Variants in PRSS36 observed in about 807,000 individuals in gnomAD.
PRSS36 encodes serine protease 36.
PRSS36 carries 90 observed loss-of-function variants against 94.3 expected under a neutral mutation model. The ratio of observed to expected loss-of-function variants is 0.95; its 90% CI spans 0.80 to 1.14. The LOEUF (loss-of-function observed/expected upper bound fraction) is 1.14, where lower values mean the gene tolerates loss of function less well. PRSS36 is among the 50% of genes most tolerant of loss of function. PRSS36 has a pLI of 0.00. For synonymous variants in PRSS36, 500 were observed against 489.6 expected, an observed-to-expected ratio of 1.02 and a Z score of -0.28; for missense variants, 1,158 against 1,135.0, an observed-to-expected ratio of 1.02 and a Z score of -0.29.
At chr16:31,146,879 A>G (rs2057806049) in intron 5 of PRSS36, among the ~76,000 whole-genome samples, 1 of 152,144 alleles carries the variant, frequency 6.6e-6, no homozygotes, top group Non-Finnish European at 1.5e-5. Flanking sequence ...TACTTGGGAG[A>G]TTGAGGCAGT....
At chr16:31,143,241 G>GCC in intron 8 of PRSS36, 101 bp downstream of exon 8, 21 of 1,478,276 alleles carry the variant, frequency 1.4e-5, no homozygotes, top group East Asian at 2.3e-5. Flanking sequence ...ATGGGACCCC[G>GCC]CCCCCCCCAC....
At chr16:31,142,018 G>A in intron 10 of PRSS36, 58 bp from the exon 11 acceptor site, 1 of 1,478,460 alleles carries the variant, frequency 6.8e-7, no homozygotes, top group East Asian at 2.3e-5. Context: ...GAATATCAGA[G>A]CTCCTGGGGC....
chr16:31,143,204 T>C (rs2057741484), intron 8 of PRSS36, 138 bp downstream of exon 8: 3 of 1,414,238 alleles, frequency 2.1e-6, no homozygotes, highest in Non-Finnish European at 2.9e-6. Context: ...AGGACCCCTC[T>C]TTTTGTGCTG....
Position 31,143,029 on chromosome 16 carries a change from C to A in PRSS36, c.1101-36G>T, listed in dbSNP as rs74015070. 2.9e-3 allele frequency: 4,030 copies of A among 1,375,288 alleles called. 98 individuals carry two copies. In the African/African-American group the frequency reaches 0.055, roughly 19 times the overall value. The allele number at this position is 1,375,288 out of a possible 1,614,324, so 85.2% of individuals were successfully genotyped here. A position where few individuals can be genotyped will look rare whatever the true frequency, so the allele number is the denominator to read the frequency against. On this transcript the variant is annotated intron_variant, in intron 8 of 14. Transcript: ENST00000268281. ...GGGGCCGAGGGACGTGGGCCGGATC[C>A]CGCACACGTGGCTGGAAACCTCACA...
chr16:31,149,878 C>A, intron 1 of PRSS36, 121 bp downstream of exon 1: 1 of 1,522,980 alleles, frequency 6.6e-7, no homozygotes, highest in South Asian at 1.1e-5. Context: ...TCGCCTTCTG[C>A]TGCCTCACTT....
chr16:31,149,111 G>A lies in PRSS36; in HGVS notation c.234C>T (p.Ala78=), dbSNP rs1485134936. The change falls in exon 4 of 15, where the codon GCC becomes GCT. Residue 78 remains alanine, a synonymous_variant. Transcript: ENST00000268281. ...GAGCAGCGGAGAGGACCCAGGAGGG[G>A]GCGATGAGGGAGCCCCCGCAGATGT... The part of the protein sequence containing the change: ...GGHICGGSLI[A]PSWVLSAAHC... The A allele has an allele frequency of 6.3e-7, 1 of 1,589,982 alleles. No homozygotes were observed. Among genetic ancestry groups the A allele is most frequent in the Non-Finnish European group, 8.5e-7 (1 of 1,170,042 alleles).
chr16:31,143,741 G>A lies in PRSS36; in HGVS notation c.817C>T (p.Pro273Ser), dbSNP rs757846927. ...GTAGCCACAGCAGTGAAAACTCCAG[G>A]GCGGTTTCTCCGTCCACAGCCAAAG... Reference protein sequence around the residue: ...FGFGCGRRNRPGVFTAVATYE... With the variant: ...FGFGCGRRNRSGVFTAVATYE... Residue 273 changes from proline to serine, a missense_variant, in exon 7 of 15, where the codon CCT (proline) becomes TCT (serine). Coordinates refer to ENST00000268281, the MANE Select transcript of PRSS36 (RefSeq NM_173502.5). 6.2e-7 allele frequency: 1 copy of A among 1,614,114 alleles called. No homozygotes were observed. The highest frequency in any genetic ancestry group is 1.7e-5 in the Admixed American group (1 of 60,018).
chr16:31,149,751 C>T lies in PRSS36; in HGVS notation c.38-20G>A. On this transcript the variant is annotated intron_variant, in intron 1 of 14. Transcript: ENST00000268281. ...TGATGACTGGAAAGACAGAGGTAGG[C>T]AGGAAGAGGCTGGCGACTCGCACTC... 6.2e-7 allele frequency: 1 copy of T among 1,614,170 alleles called. No homozygotes were observed. The highest frequency in any genetic ancestry group is 1.1e-5 in the South Asian group (1 of 91,086).
chr16:31,143,238 C>G lies in PRSS36; in HGVS notation c.1100+104G>C, dbSNP rs1218552808. On this transcript the variant is annotated intron_variant, in intron 8 of 14. Transcript: ENST00000268281. Reference sequence around the variant, plus strand: ...TGGATCCTACACCTCCGAATGGGACCCCGCCCCCCCCACACCCCCTGGGGA... The same window carrying G: ...TGGATCCTACACCTCCGAATGGGACGCCGCCCCCCCCACACCCCCTGGGGA... 4.7e-6 allele frequency: 7 copies of G among 1,495,088 alleles called. No homozygotes were observed. The East Asian group carries it at 9.2e-5, about 20-fold the overall frequency. The allele number at this position is 1,495,088 out of a possible 1,614,324, so 92.6% of individuals were successfully genotyped here. A position where few individuals can be genotyped will look rare whatever the true frequency, so the allele number is the denominator to read the frequency against.
intron 2 of PRSS36, 63 bp from the exon 3 acceptor site, chr16:31,149,561 C>T (rs2057863857): frequency 6.2e-7 from 1 of 1,609,544 alleles, no homozygotes; most frequent in Non-Finnish European, 8.5e-7. Flanking sequence ...CCGCCCAGCC[C>T]CACTTCCTGC....
rs1339115995 is a variant in PRSS36, at chr16:31,143,807, C to T, written c.751G>A (p.Glu251Lys). The change falls in exon 7 of 15, where the codon GAA (glutamate) becomes AAA (lysine). Residue 251 changes from glutamate to lysine, a missense_variant. By Grantham distance (56) the Glu-to-Lys change is moderately conservative. Transcript: ENST00000268281. ...CCTGCCTGGAACCAGCGGCCGCCTT[C>T]CTCACAGACCAGGGGCCCCCCAGAG... The part of the protein sequence containing the change: ...GDSGGPLVCE[E>K]GGRWFQAGIT... 2 of 1,613,846 alleles carry T rather than the reference C, an allele frequency of 1.2e-6. No homozygotes were observed. The highest frequency in any genetic ancestry group is 1.6e-4 in the Middle Eastern group (1 of 6,062).
At chr16:31,142,023 T>C (rs1182642198) in intron 10 of PRSS36, 63 bp from the exon 11 acceptor site, 4 of 1,470,076 alleles carry the variant, frequency 2.7e-6, no homozygotes, top group Non-Finnish European at 3.8e-6. Flanking sequence ...TCAGAGCTCC[T>C]GGGGCTTTCC....
intron 4 of PRSS36, 124 bp downstream of exon 4, chr16:31,148,949 C>A: frequency 1.7e-6 from 2 of 1,193,892 alleles, no homozygotes; most frequent in East Asian, 2.6e-5. Flanking sequence ...TAGCACCTCG[C>A]TTTGGGGACA....
At position 31,143,729 on chromosome 16, in the gene PRSS36, T is replaced by C; in HGVS notation, c.829A>G (p.Thr277Ala). 1 of 1,614,116 alleles carries C rather than the reference T, an allele frequency of 6.2e-7. No individual in the cohort carries two copies. The highest frequency in any genetic ancestry group is 8.5e-7 in the Non-Finnish European group (1 of 1,180,016). The part of the protein sequence containing the change: ...CGRRNRPGVF[T>A]AVATYEAWIR... The stretch of plus-strand genomic sequence containing the variant: ...CATGCCTCATAGGTAGCCACAGCAG[T>C]GAAAACTCCAGGGCGGTTTCTCCGT... The change falls in exon 7 of 15, where the codon ACT (threonine) becomes GCT (alanine). Residue 277 changes from threonine (T) to alanine (A), a missense_variant. Coordinates refer to ENST00000268281, the MANE Select transcript of PRSS36 (RefSeq NM_173502.5).
chr16:31,148,638 G>T lies in PRSS36; in HGVS notation c.310C>A (p.Leu104Met). ...CCGTCCTGGGAGTGCACGCCCAGCA[G>T]TACCGACCACTCGGCCGCGGGCTCC... The part of the protein sequence containing the change: ...TLEPAAEWSV[L>M]LGVHSQDGPL... The change falls in exon 5 of 15, where the codon CTG becomes ATG. Residue 104 changes from leucine (L) to methionine (M), a missense_variant. By Grantham distance (15) the Leu-to-Met change is conservative. Coordinates refer to ENST00000268281, the MANE Select transcript of PRSS36 (RefSeq NM_173502.5). The T allele has an allele frequency of 6.2e-7, 1 of 1,612,532 alleles. No homozygotes were observed. The highest frequency in any genetic ancestry group is 8.5e-7 in the Non-Finnish European group (1 of 1,179,724).
At position 31,142,760 on chromosome 16, in the gene PRSS36, C is replaced by T; in HGVS notation, c.1334G>A (p.Arg445His). The change falls in exon 9 of 15, where the codon CGC (arginine) becomes CAC (histidine). Residue 445 changes from arginine (R) to histidine (H), a missense_variant. Physicochemically the swap from Arg to His is conservative, Grantham distance 29. Coordinates refer to ENST00000268281, the MANE Select transcript of PRSS36 (RefSeq NM_173502.5). Reference sequence around the variant, plus strand: ...ACCCCCGCGGCCCCAGCGGGCCAGGCGGCAGCGGCTCCCGGGCAGGAAGTA... The same window carrying T: ...ACCCCCGCGGCCCCAGCGGGCCAGGTGGCAGCGGCTCCCGGGCAGGAAGTA... The part of the protein sequence containing the change: ...EHYFLPGSRC[R>H]LARWGRGEPA... 2.1e-6 allele frequency: 3 copies of T among 1,404,384 alleles called. No individual in the cohort carries two copies. Among genetic ancestry groups the T allele is most frequent in the Non-Finnish European group, 2.8e-6 (3 of 1,074,522 alleles). 87.0% of individuals were successfully genotyped at this position (1,404,384 alleles called of 1,614,324 possible).
chr16:31,149,126 CCCG>C lies in PRSS36; in HGVS notation c.216_218del (p.Cys72_Gly73delinsTrp). ...CCCAGGAGGGGGCGATGAGGGAGCC[CCCG>C]CAGATGTGGCCACCTCCATGGTGCA... On this transcript the variant is annotated inframe_deletion, in exon 4 of 15. Transcript: ENST00000268281. 6.3e-7 allele frequency: 1 copy of C among 1,585,094 alleles called. No individual in the cohort carries two copies. The highest frequency in any genetic ancestry group is 8.6e-7 in the Non-Finnish European group (1 of 1,167,262).
chr16:31,145,996 T>C, intron 5 of PRSS36, 41 bp from the exon 6 acceptor site: 1 of 1,537,650 alleles, frequency 6.5e-7, no homozygotes. Context: ...GAGGCAGGTA[T>C]GGCATCCCCA....
At chr16:31,144,626 T>A (rs1234780068) in intron 6 of PRSS36, among the ~76,000 whole-genome samples, 1 of 152,168 alleles carries the variant, frequency 6.6e-6, no homozygotes, top group African/African-American at 2.4e-5. Flanking sequence ...CTTTGGTTTT[T>A]AAATTCACTC....
Sources: gnomAD v4.1 joint callset for allele counts (sites outside exome capture counted in the v4.1 genomes callset) on GRCh38, gnomAD v4.1.1 for gene constraint, MANE v1.5 for transcripts, NCBI Gene and HGNC (gene_info 2026-07-23, HGNC 2026-07-21) for gene names.